The following SHANK2 variants were observed in gnomAD, a reference collection of about 807,000 sequenced individuals.
SHANK2 encodes SH3 and multiple ankyrin repeat domains protein 2.
A neutral mutation model predicts 133.7 loss-of-function variants in SHANK2; 43 were observed. The observed-to-expected ratio is 0.32, with a 90% CI of 0.25 to 0.41. The LOEUF is 0.41. Ranked by LOEUF, SHANK2 falls within the 10% of genes least tolerant of loss-of-function variation. The pLI is 1.00. For synonymous variants in SHANK2, 1,017 were observed against 952.8 expected, an observed-to-expected ratio of 1.07 and a Z score of -1.24; for missense variants, 1,994 against 2,235.8, an observed-to-expected ratio of 0.89 and a Z score of 2.18.
intron 17 of SHANK2, among the ~76,000 whole-genome samples, chr11:70,540,861 ACT>A (rs1270589744): frequency 8.1e-5 from 12 of 148,866 alleles, no homozygotes; most frequent in East Asian, 7.8e-4. Context: ...AAAAAAAAAA[ACT>A]CAGATATAAA....
chr11:70,703,073 C>T (rs1194438782), intron 14 of SHANK2, among the ~76,000 whole-genome samples: 2 of 152,240 alleles, frequency 1.3e-5, no homozygotes, highest in African/African-American at 2.4e-5. Flanking sequence ...TGGAGTCTGT[C>T]AGCAGCAGTG....
chr11:70,718,353 C>T (rs973859768), intron 14 of SHANK2, among the ~76,000 whole-genome samples: 6 of 152,224 alleles, frequency 3.9e-5, no homozygotes, highest in African/African-American at 7.2e-5. Flanking sequence ...CCTGAGCCTA[C>T]GCTGGAGGGA....
intron 2 of SHANK2, among the ~76,000 whole-genome samples, chr11:71,220,241 G>GAAACAAACAAAC (rs568935181): frequency 1.3e-5 from 2 of 151,960 alleles, no homozygotes; most frequent in Non-Finnish European, 2.9e-5. Flanking sequence ...TCTCAAAACA[G>GAAACAAACAAAC]AAACAAACAA....
chr11:71,133,047 C>T (rs1292026868), intron 3 of SHANK2, among the ~76,000 whole-genome samples: 19 of 150,396 alleles, frequency 1.3e-4, no homozygotes, highest in Non-Finnish European at 2.1e-4. Flanking sequence ...ATGCATACTA[C>T]AAAGGACATG....
intron 11 of SHANK2, chr11:70,863,988 C>A (rs1555068507): frequency 1.8e-5 from 7 of 392,556 alleles, no homozygotes; most frequent in Non-Finnish European, 3.5e-5. Context: ...CTTATGGCAG[C>A]CCCAGCAAAC....
chr11:71,168,567 A>C (rs1310716368), intron 2 of SHANK2, among the ~76,000 whole-genome samples: 2 of 152,144 alleles, frequency 1.3e-5, no homozygotes, highest in Admixed American at 1.3e-4. Context: ...CTCCGTCTGC[A>C]ATCCCGGCAC....
intron 9 of SHANK2, among the ~76,000 whole-genome samples, chr11:71,069,185 T>C (rs1332177292): frequency 2.0e-5 from 3 of 146,738 alleles, no homozygotes; most frequent in Non-Finnish European, 4.5e-5. Flanking sequence ...ATCAGCACCA[T>C]CACTATCAAC....
chr11:71,091,354 C>T (rs1251421881), intron 8 of SHANK2, among the ~76,000 whole-genome samples: 36 of 152,288 alleles, frequency 2.4e-4, no homozygotes, highest in Admixed American at 2.2e-3. Flanking sequence ...CCAGGGAGGG[C>T]GGGGCCTGCT....
intron 17 of SHANK2, among the ~76,000 whole-genome samples, chr11:70,506,797 G>T (rs992121950): frequency 1.3e-5 from 2 of 152,120 alleles, no homozygotes; most frequent in Non-Finnish European, 2.9e-5. Context: ...TGCTTGCTGG[G>T]TGCCCGTGGG....
chr11:70,525,134 C>T (rs1160276038), intron 17 of SHANK2, among the ~76,000 whole-genome samples: 2 of 152,240 alleles, frequency 1.3e-5, no homozygotes, highest in East Asian at 1.9e-4. Flanking sequence ...AACAGGGACG[C>T]GTGTGGAGGC....
chr11:70,778,129 A>G (rs1330779595), intron 14 of SHANK2, among the ~76,000 whole-genome samples: 1 of 152,252 alleles, frequency 6.6e-6, no homozygotes, highest in African/African-American at 2.4e-5. Flanking sequence ...AACTTGCCCA[A>G]GGTCACACAG....
intron 11 of SHANK2, among the ~76,000 whole-genome samples, chr11:70,837,872 G>A (rs1046557937): frequency 6.6e-6 from 1 of 150,746 alleles, no homozygotes; most frequent in African/African-American, 2.4e-5. Context: ...TACTCAGGAG[G>A]CTGAGACAGG....
chr11:70,528,210 C>A (rs1056740920), intron 17 of SHANK2, among the ~76,000 whole-genome samples: 9 of 152,358 alleles, frequency 5.9e-5, no homozygotes, highest in Admixed American at 5.2e-4. Context: ...CGTCCCCAGG[C>A]GTCCCTGAGG....
intron 4 of SHANK2, among the ~76,000 whole-genome samples, chr11:71,117,728 G>A (rs1952005384): frequency 6.6e-6 from 1 of 152,220 alleles, no homozygotes; most frequent in Non-Finnish European, 1.5e-5. Context: ...ACTCCACAGG[G>A]ATGGAAGCTC....
intron 2 of SHANK2, among the ~76,000 whole-genome samples, chr11:71,222,067 C>A (rs1954552420): frequency 6.6e-6 from 1 of 152,030 alleles, no homozygotes. Flanking sequence ...CTTCCCTGCA[C>A]CAGGACCAGC....
intron 2 of SHANK2, among the ~76,000 whole-genome samples, chr11:71,199,767 G>A (rs977186518): frequency 1.3e-5 from 2 of 152,164 alleles, no homozygotes; most frequent in Admixed American, 6.5e-5. Context: ...AATCCCCTGC[G>A]CTGGAAAGAC....
intron 14 of SHANK2, among the ~76,000 whole-genome samples, chr11:70,795,274 C>T (rs1947881975): frequency 6.6e-6 from 1 of 152,144 alleles, no homozygotes; most frequent in Admixed American, 6.5e-5. Flanking sequence ...GAATATGCTC[C>T]CTTAAGGCAA....
At chr11:70,873,392 T>C (rs951619773) in intron 11 of SHANK2, among the ~76,000 whole-genome samples, 18 of 152,108 alleles carry the variant, frequency 1.2e-4, no homozygotes, top group African/African-American at 3.1e-4. Flanking sequence ...ACACTTTCAA[T>C]AGGCAAACAG....
rs1946467438 is a variant in SHANK2, at chr11:70,739,023, G to C, written c.1778-40260C>G. Among the ~76,000 whole-genome samples the C allele has an allele frequency of 1.3e-5, 2 of 152,208 alleles. No homozygotes were observed. Among genetic ancestry groups the C allele is most frequent in the Admixed American group, 6.5e-5 (1 of 15,288 alleles). The stretch of plus-strand genomic sequence containing the variant: ...GTGTTCAGACACCCCTCTGGATTCA[G>C]TGAGTAGGGCTGGTGAGTTTCTCCA... On this transcript the variant is annotated intron_variant, in intron 14 of 25. Coordinates refer to ENST00000601538, the MANE Select transcript of SHANK2 (RefSeq NM_012309.5). This position sits in a 1 kb window ranked among gnomAD's most constrained non-coding sequence, Gnocchi z 4.3.
Sources: allele counts gnomAD v4.1 joint callset (sites outside exome capture counted in the v4.1 genomes callset), GRCh38; gene constraint gnomAD v4.1.1; non-coding constraint Gnocchi (gnomAD v3.1); transcripts MANE v1.5; gene names NCBI Gene and HGNC (gene_info 2026-07-23, HGNC 2026-07-21).